The following RAB3GAP1 variants were observed in gnomAD, a reference collection of about 807,000 sequenced individuals.
RAB3GAP1 encodes RAB3 GTPase activating protein catalytic subunit 1, also known as rab3 GTPase-activating protein catalytic subunit.
In RAB3GAP1, 86 loss-of-function variants were observed where a neutral mutation model predicts 130.7. That is an observed-to-expected ratio of 0.66 (90% CI 0.55 to 0.79). RAB3GAP1 has a LOEUF of 0.79. RAB3GAP1 is among the 30% of genes least tolerant of loss of function. The probability of loss-of-function intolerance (pLI) is 0.00; values close to 1 mark genes in which losing one functional copy is unlikely to be tolerated. For synonymous variants in RAB3GAP1, 367 were observed against 401.7 expected (o/e 0.91, Z 1.03); for missense variants, 1,029 against 1,169.4 (o/e 0.88, Z 1.75).
intron 3 of RAB3GAP1, among the ~76,000 whole-genome samples, chr2:135,067,887 T>C (rs748770848): frequency 6.6e-6 from 1 of 152,172 alleles, no homozygotes; most frequent in Admixed American, 6.5e-5. Flanking sequence ...CATGCCACCA[T>C]GCCCAGCTAA....
intron 3 of RAB3GAP1, among the ~76,000 whole-genome samples, chr2:135,081,331 T>A (rs57892350): frequency 0.05 from 3,433 of 68,962 alleles, 199 homozygotes; most frequent in African/African-American, 0.13. Flanking sequence ...AAAAAAAATA[T>A]ATATATATAT....
intron 11 of RAB3GAP1, among the ~76,000 whole-genome samples, chr2:135,127,966 T>C (rs1429772733): frequency 6.6e-6 from 1 of 152,174 alleles, no homozygotes; most frequent in Non-Finnish European, 1.5e-5. Flanking sequence ...CATGAAAATA[T>C]TTTCTCCTTT....
chr2:135,132,662 A>T (rs1691581562), intron 13 of RAB3GAP1, among the ~76,000 whole-genome samples: 1 of 152,198 alleles, frequency 6.6e-6, no homozygotes, highest in Non-Finnish European at 1.5e-5. Context: ...GATTACTTTT[A>T]AGAAAAAAAT....
At chr2:135,115,164 G>C in intron 6 of RAB3GAP1, 52 bp from the exon 7 acceptor site, 1 of 1,530,292 alleles carries the variant, frequency 6.5e-7, no homozygotes, top group South Asian at 1.1e-5. Flanking sequence ...TGAGGTTCAG[G>C]TTTAATGTTT....
chr2:135,109,743 A>C (rs1574118285), intron 5 of RAB3GAP1, among the ~76,000 whole-genome samples: 1 of 151,778 alleles, frequency 6.6e-6, no homozygotes, highest in South Asian at 2.1e-4. Context: ...CACCACGCCC[A>C]GCTAATTTTT....
Position 135,150,455 on chromosome 2 carries a change from T to C in RAB3GAP1, c.2010T>C (p.Leu670=), listed in dbSNP as rs762837538. The C allele has an allele frequency of 1.9e-6, 3 of 1,614,206 alleles. No homozygotes were observed. The highest frequency in any genetic ancestry group is 2.5e-6 in the Non-Finnish European group (3 of 1,180,036). Residue 670 remains leucine (L), a synonymous_variant, in exon 18 of 24, where the codon CTT becomes CTC. Coordinates refer to ENST00000264158, the MANE Select transcript of RAB3GAP1 (RefSeq NM_012233.3). ...KLGTSAEGAH[L]RARMQSACLL... ...GTACATCGGCAGAGGGGGCTCACCT[T>C]CGAGCACGCATGCAGAGTGCCTGTC... is the stretch of plus-strand genomic sequence containing the variant.
At chr2:135,151,577 T>G (rs909490523) in intron 18 of RAB3GAP1, among the ~76,000 whole-genome samples, 1 of 152,216 alleles carries the variant, frequency 6.6e-6, no homozygotes, top group Non-Finnish European at 1.5e-5. Flanking sequence ...AGCTATATGT[T>G]TTCCTTGGAG....
intron 6 of RAB3GAP1, among the ~76,000 whole-genome samples, chr2:135,113,700 CT>C (rs1402789425): frequency 1.3e-5 from 2 of 152,086 alleles, no homozygotes; most frequent in African/African-American, 4.8e-5. Flanking sequence ...TCCACTGGTT[CT>C]GAAGACTATG....
Position 135,169,061 on chromosome 2 carries a change from C to T in RAB3GAP1, c.*280C>T, listed in dbSNP as rs1170385644. On this transcript the variant is annotated 3_prime_UTR_variant, in exon 24 of 24. Transcript: ENST00000264158. Reference sequence around the variant, plus strand: ...TGGGGGGACACAAACACATCAGACACTCCGTCCTCACACTGGCAGGACGGT... The same window carrying T: ...TGGGGGGACACAAACACATCAGACATTCCGTCCTCACACTGGCAGGACGGT... The T allele has an allele frequency of 4.0e-6, 2 of 498,360 alleles. No homozygotes were observed. Among genetic ancestry groups the T allele is most frequent in the Non-Finnish European group, 7.3e-6 (2 of 272,216 alleles). The allele number at this position is 498,360 out of a possible 1,614,324, so 30.9% of individuals were successfully genotyped here. A position where few individuals can be genotyped will look rare whatever the true frequency, so the allele number is the denominator to read the frequency against.
Position 135,129,978 on chromosome 2 carries a change from C to G in RAB3GAP1, c.974-17C>G, listed in dbSNP as rs1691483352. 1 of 1,513,004 alleles carries G rather than the reference C, an allele frequency of 6.6e-7. No individual in the cohort carries two copies. The highest frequency in any genetic ancestry group is 1.7e-5 in the Admixed American group (1 of 58,234). The allele number at this position is 1,513,004 out of a possible 1,614,324, so 93.7% of individuals were successfully genotyped here. A position where few individuals can be genotyped will look rare whatever the true frequency, so the allele number is the denominator to read the frequency against. ...TTTTTCAGTTAAGTGTCAAAAATAA[C>G]TTTTTTTCCTACATAGGTGATTTTG... On this transcript the variant is annotated splice_polypyrimidine_tract_variant and intron_variant, in intron 11 of 23. Coordinates refer to ENST00000264158, the MANE Select transcript of RAB3GAP1 (RefSeq NM_012233.3).
intron 3 of RAB3GAP1, among the ~76,000 whole-genome samples, chr2:135,089,179 T>G (rs1270696890): frequency 6.6e-6 from 1 of 152,074 alleles, no homozygotes; most frequent in Non-Finnish European, 1.5e-5. Flanking sequence ...TTTGTCAGGT[T>G]TGTCAAAGAT....
chr2:135,059,068 C>A (rs1365087166), intron 3 of RAB3GAP1: 1 of 151,994 alleles, frequency 6.6e-6, no homozygotes, highest in African/African-American at 2.4e-5. Flanking sequence ...GAAAAAAAAT[C>A]TCCTTATTTG....
At chr2:135,130,746 G>T (rs1294305112) in intron 13 of RAB3GAP1, 25 bp downstream of exon 13, 7 of 1,586,116 alleles carry the variant, frequency 4.4e-6, no homozygotes, top group Non-Finnish European at 6.1e-6. Flanking sequence ...TGTCTTTATA[G>T]GTCTATATGC....
chr2:135,107,715 C>T (rs968452844), intron 5 of RAB3GAP1, among the ~76,000 whole-genome samples: 5 of 151,888 alleles, frequency 3.3e-5, no homozygotes, highest in African/African-American at 1.2e-4. Flanking sequence ...TGGCTGGGTG[C>T]GGTGGCTCAC....
intron 17 of RAB3GAP1, among the ~76,000 whole-genome samples, chr2:135,145,401 C>T (rs6756246): frequency 2.2e-5 from 2 of 92,542 alleles, no homozygotes; most frequent in African/African-American, 1.2e-4. Context: ...CACACACATA[C>T]ACACACACAC....
chr2:135,114,684 C>G (rs1690914386), intron 6 of RAB3GAP1, among the ~76,000 whole-genome samples: 1 of 152,168 alleles, frequency 6.6e-6, no homozygotes, highest in Non-Finnish European at 1.5e-5. Context: ...ATTGTTGAGT[C>G]ATTAACATTG....
intron 17 of RAB3GAP1, among the ~76,000 whole-genome samples, chr2:135,142,169 A>G (rs1691863478): frequency 6.6e-6 from 1 of 152,234 alleles, no homozygotes; most frequent in African/African-American, 2.4e-5. Flanking sequence ...TATTGAGTCC[A>G]TTAAATATCT....
chr2:135,159,723 G>T (rs1299294446), intron 19 of RAB3GAP1, among the ~76,000 whole-genome samples: 3 of 152,182 alleles, frequency 2.0e-5, no homozygotes, highest in East Asian at 1.9e-4. Context: ...GCCAAAAAAT[G>T]GAACAAACCC....
intron 17 of RAB3GAP1, among the ~76,000 whole-genome samples, chr2:135,149,337 AATAT>A (rs1489358070): frequency 6.6e-6 from 1 of 152,228 alleles, no homozygotes; most frequent in African/African-American, 2.4e-5. Context: ...TGAAGCCTAT[AATAT>A]AACCTAAGTA....
Sources: allele counts gnomAD v4.1 joint callset (sites outside exome capture counted in the v4.1 genomes callset), GRCh38; gene constraint gnomAD v4.1.1; transcripts MANE v1.5; gene names NCBI Gene and HGNC (gene_info 2026-07-23, HGNC 2026-07-21).